The following TBC1D8 variants were observed in gnomAD, a reference collection of about 807,000 sequenced individuals.
TBC1D8 encodes TBC1 domain family member 8.
In TBC1D8, 65 loss-of-function variants were observed where a neutral mutation model predicts 118.8. The observed-to-expected ratio is 0.55, with a 90% CI of 0.45 to 0.67. The LOEUF (loss-of-function observed/expected upper bound fraction) is 0.67, where lower values mean the gene tolerates loss of function less well. TBC1D8 is among the 30% of genes least tolerant of loss of function. TBC1D8 has a pLI of 0.00. For missense variants in TBC1D8, 1,376 were observed against 1,471.2 expected (o/e 0.94, Z 1.06); for synonymous variants, 566 against 595.8 (o/e 0.95, Z 0.73).
chr2:101,049,594 G>A (rs911679358), intron 5 of TBC1D8, among the ~76,000 whole-genome samples: 3 of 151,872 alleles, frequency 2.0e-5, no homozygotes, highest in African/African-American at 4.8e-5. Context: ...TGGGCGTGGT[G>A]GTGGGCACCT....
intron 5 of TBC1D8, among the ~76,000 whole-genome samples, chr2:101,045,964 G>C (rs893701291): frequency 6.6e-6 from 1 of 152,148 alleles, no homozygotes; most frequent in African/African-American, 2.4e-5. Flanking sequence ...CCGCACTCCA[G>C]CCTAGGCAAC....
At chr2:101,085,371 C>CTAGGGGG (rs1675545035) in intron 2 of TBC1D8, among the ~76,000 whole-genome samples, 4 of 152,046 alleles carry the variant, frequency 2.6e-5, no homozygotes, top group Admixed American at 2.0e-4. Context: ...TGACAACTCC[C>CTAGGGGG]CAGAAGCCAA....
intron 1 of TBC1D8, among the ~76,000 whole-genome samples, chr2:101,125,145 A>G (rs1678298062): frequency 6.6e-6 from 1 of 152,176 alleles, no homozygotes; most frequent in Non-Finnish European, 1.5e-5. Flanking sequence ...TCCGGCCAAC[A>G]TCACTTCCAG....
chr2:101,103,399 T>C (rs1161061331), intron 1 of TBC1D8, among the ~76,000 whole-genome samples: 5 of 150,722 alleles, frequency 3.3e-5, no homozygotes, highest in East Asian at 1.9e-4. Flanking sequence ...TTTTTTTTTT[T>C]TTCTTTTTTT....
At chr2:101,068,954 C>T (rs937885307) in intron 2 of TBC1D8, among the ~76,000 whole-genome samples, 2 of 150,616 alleles carry the variant, frequency 1.3e-5, no homozygotes, top group Admixed American at 6.6e-5. Flanking sequence ...CAGCAGAGAT[C>T]GCGCCACTGC....
chr2:101,140,972 G>A (rs1190921317), intron 1 of TBC1D8, among the ~76,000 whole-genome samples: 2 of 151,902 alleles, frequency 1.3e-5, no homozygotes, highest in South Asian at 2.1e-4. Context: ...ACGTTGGCCA[G>A]GCTGGTCTCA....
In TBC1D8 at chr2:101,055,046, G is replaced by A. The variant is rs572766153; in HGVS notation, c.403-710C>T. Among the ~76,000 whole-genome samples the A allele has an allele frequency of 2.6e-5, 4 of 152,118 alleles. No homozygotes were observed. The South Asian group carries it at 8.3e-4, about 32-fold the overall frequency. ...AGGGTAAAAGGACTGGCTCAGGCCT[G>A]TGAACTCAGCATCAATCCCAAAGAA... On this transcript the variant is annotated intron_variant, in intron 3 of 19. Coordinates refer to ENST00000409318, the MANE Select transcript of TBC1D8 (RefSeq NM_001330348.2).
rs114390287 is a variant in TBC1D8 at position 101,112,855 on chromosome 2, C to T, written c.128-22491G>A. On this transcript the variant is annotated intron_variant, in intron 1 of 19. Coordinates refer to ENST00000409318, the MANE Select transcript of TBC1D8 (RefSeq NM_001330348.2). ...GACACTATGTTGTAATCAAACGTAACGGCACAGGCAGCACTCTTTTGCCAG... is the reference window on the plus strand; with the variant it reads ...GACACTATGTTGTAATCAAACGTAATGGCACAGGCAGCACTCTTTTGCCAG... 4.8e-3 allele frequency among the ~76,000 whole-genome samples: 735 copies of T among 152,314 alleles called. 5 individuals carry two copies. Among genetic ancestry groups the T allele is most frequent in the Non-Finnish European group, 8.2e-3 (561 of 68,030 alleles).
chr2:101,089,537 G>A lies in TBC1D8; in HGVS notation c.283+672C>T, dbSNP rs192248507. Among the ~76,000 whole-genome samples the A allele has an allele frequency of 4.9e-3, 752 of 152,274 alleles. 9 individuals are homozygous for A. The highest frequency in any genetic ancestry group is 0.017 in the Middle Eastern group (5 of 294). On this transcript the variant is annotated intron_variant, in intron 2 of 19. Coordinates refer to ENST00000409318, the MANE Select transcript of TBC1D8 (RefSeq NM_001330348.2). ...TTAGACAGAGCACCAGGTAATGCCTGTGATAGGAACAGAAACCCCAGAAGG... is the reference window on the plus strand; with the variant it reads ...TTAGACAGAGCACCAGGTAATGCCTATGATAGGAACAGAAACCCCAGAAGG...
intron 11 of TBC1D8, chr2:101,030,098 G>T: frequency 5.4e-6 from 1 of 186,824 alleles, no homozygotes; most frequent in Non-Finnish European, 1.1e-5. Context: ...AGTTAATACT[G>T]TAAAATTTTT....
intron 2 of TBC1D8, among the ~76,000 whole-genome samples, chr2:101,079,755 G>A (rs539309633): frequency 6.0e-5 from 8 of 132,546 alleles, no homozygotes; most frequent in Admixed American, 2.8e-4. Flanking sequence ...GTGCGATCTC[G>A]GCTCACTACA....
Position 101,007,686 on chromosome 2 carries a change from A to G in TBC1D8, c.*135T>C, listed in dbSNP as rs1678830296. On this transcript the variant is annotated 3_prime_UTR_variant, in exon 20 of 20. Coordinates refer to ENST00000409318, the MANE Select transcript of TBC1D8 (RefSeq NM_001330348.2). ...GGGTTGTGTCGGTTCCCCTGGCCAC[A>G]GTTTGTCAGGTTGTTTAGCCAGATG... 1.1e-6 allele frequency: 1 copy of G among 886,448 alleles called. No individual in the cohort carries two copies. The highest frequency in any genetic ancestry group is 1.7e-6 in the Non-Finnish European group (1 of 573,270). 54.9% of individuals were successfully genotyped at this position (886,448 alleles called of 1,614,324 possible).
intron 17 of TBC1D8, among the ~76,000 whole-genome samples, chr2:101,021,459 C>G (rs1235634380): frequency 1.3e-5 from 2 of 152,184 alleles, no homozygotes; most frequent in African/African-American, 2.4e-5. Flanking sequence ...CTTGGTTTAA[C>G]AGGCCCTCCA....
chr2:101,092,426 T>C (rs1470938270), intron 1 of TBC1D8, among the ~76,000 whole-genome samples: 2 of 152,200 alleles, frequency 1.3e-5, no homozygotes, highest in Admixed American at 1.3e-4. Context: ...TCCTGCACTA[T>C]AAAATTATTC....
At chr2:101,112,604 C>T (rs1239735777) in intron 1 of TBC1D8, among the ~76,000 whole-genome samples, 1 of 152,194 alleles carries the variant, frequency 6.6e-6, no homozygotes, top group Non-Finnish European at 1.5e-5. Context: ...CCAGGACTAT[C>T]CACAGCTCTT....
chr2:101,059,025 C>G (rs916102448), intron 3 of TBC1D8, among the ~76,000 whole-genome samples: 1 of 152,002 alleles, frequency 6.6e-6, no homozygotes, highest in Non-Finnish European at 1.5e-5. Context: ...CTTGCCTCAG[C>G]CTCCCGAGTA....
At chr2:101,019,110 C>T in intron 17 of TBC1D8, 1 of 1,560,612 alleles carries the variant, frequency 6.4e-7, no homozygotes, top group Non-Finnish European at 8.7e-7. Flanking sequence ...GCAGCAGATG[C>T]CTTTACAACC....
intron 11 of TBC1D8, among the ~76,000 whole-genome samples, chr2:101,030,399 T>C (rs931726071): frequency 1.3e-5 from 2 of 152,148 alleles, no homozygotes; most frequent in African/African-American, 4.8e-5. Flanking sequence ...AAACAAATGG[T>C]CAGGAAGCAA....
chr2:101,051,961 G>C (rs1473836785), intron 4 of TBC1D8, among the ~76,000 whole-genome samples: 1 of 152,246 alleles, frequency 6.6e-6, no homozygotes, highest in African/African-American at 2.4e-5. Flanking sequence ...AAAGATCTCA[G>C]TAAAACTTCC....
Sources: allele counts gnomAD v4.1 joint callset (sites outside exome capture counted in the v4.1 genomes callset), GRCh38; gene constraint gnomAD v4.1.1; transcripts MANE v1.5; gene names NCBI Gene and HGNC (gene_info 2026-07-23, HGNC 2026-07-21).